Variants in CHD9 observed in about 807,000 individuals in gnomAD.
CHD9 encodes chromodomain helicase DNA binding protein 9.
Under a neutral mutation model 316.1 loss-of-function variants are expected in CHD9, and 77 were observed. The observed-to-expected ratio is 0.24, with a 90% CI of 0.20 to 0.29. The LOEUF (loss-of-function observed/expected upper bound fraction) is 0.29, where lower values mean the gene tolerates loss of function less well. CHD9 is among the 10% of genes least tolerant of loss of function. The pLI is 1.00. For synonymous variants in CHD9, 1,129 were observed against 1,158.3 expected (o/e 0.97, Z 0.51); for missense variants, 2,763 against 3,438.1 (o/e 0.80, Z 4.91).
chr16:53,282,670 T>C (rs1257569548), intron 24 of CHD9, among the ~76,000 whole-genome samples: 1 of 152,170 alleles, frequency 6.6e-6, no homozygotes, highest in African/African-American at 2.4e-5. Context: ...TTCCATTCAC[T>C]ATGCAATCTA....
chr16:53,320,130 C>G (rs1242867592), intron 37 of CHD9, among the ~76,000 whole-genome samples: 2 of 148,696 alleles, frequency 1.3e-5, no homozygotes. Context: ...GAACTATGAT[C>G]ACATCACTGC....
intron 3 of CHD9, among the ~76,000 whole-genome samples, 177 bp downstream of exon 3, chr16:53,209,990 C>A (rs2046200398): frequency 6.6e-6 from 1 of 151,962 alleles, no homozygotes; most frequent in African/African-American, 2.4e-5. Context: ...CAGGATCTCC[C>A]AAATTTTATG....
intron 22 of CHD9, 90 bp downstream of exon 22, chr16:53,268,216 A>G (rs2051883955): frequency 1.1e-6 from 1 of 921,608 alleles, no homozygotes; most frequent in Non-Finnish European, 1.6e-6. Flanking sequence ...TAAAAGCATT[A>G]CAAATAATAT....
rs777880932 is a variant in CHD9 at position 53,267,294 on chromosome 16, A to T, written c.4321A>T (p.Asn1441Tyr). 6.2e-7 allele frequency: 1 copy of T among 1,600,012 alleles called. No homozygotes were observed. The highest frequency in any genetic ancestry group is 8.5e-7 in the Non-Finnish European group (1 of 1,172,758). ...AGGTAATAGCAGTTCTGTTTTACAG[A>T]ACAGCTTGGTTATTGACACTCCAAG... ...EIDIEAISGR[N>Y]SLVIDTPRIR... Residue 1441 changes from asparagine (N) to tyrosine (Y), a missense_variant and splice_region_variant, in exon 21 of 39, where the codon AAC becomes TAC. This residue lies in a region of CHD9 where 199 missense variants were observed against 251.7 expected (regional missense o/e 0.79). Transcript: ENST00000447540.
At chr16:53,222,797 A>G (rs1597498199) in intron 4 of CHD9, 42 bp downstream of exon 4, 2 of 924,564 alleles carry the variant, frequency 2.2e-6, no homozygotes, top group East Asian at 5.3e-5. Flanking sequence ...CACTGTTAGA[A>G]TGATTTAGTT....
chr16:53,322,214 C>G (rs1295416159), intron 38 of CHD9, among the ~76,000 whole-genome samples: 1 of 151,346 alleles, frequency 6.6e-6, no homozygotes, highest in East Asian at 2.0e-4. Context: ...CCAGGCTGGT[C>G]TTGAACTCCT....
At chr16:53,208,252 C>A in intron 2 of CHD9, 1 of 1,216,376 alleles carries the variant, frequency 8.2e-7, no homozygotes, top group South Asian at 1.4e-5. Context: ...TCTTTCAATG[C>A]TTTTTTCTTG....
At chr16:53,121,403 G>A (rs560518343) in intron 1 of CHD9, 110 of 455,926 alleles carry the variant, frequency 2.4e-4, no homozygotes, top group Non-Finnish European at 1.6e-4. Flanking sequence ...CCAGCAAACC[G>A]TCTTTTTCCT....
intron 22 of CHD9, among the ~76,000 whole-genome samples, 192 bp from the exon 23 acceptor site, chr16:53,273,434 T>C (rs188336146): frequency 6.6e-6 from 1 of 152,252 alleles, no homozygotes; most frequent in Non-Finnish European, 1.5e-5. Flanking sequence ...GTTAGCTATT[T>C]GGGGGAAATA....
Position 53,304,140 on chromosome 16 carries a change from T to A in CHD9, c.6134T>A (p.Met2045Lys). 5 of 1,613,110 alleles carry A rather than the reference T, an allele frequency of 3.1e-6. No individual in the cohort carries two copies. Among genetic ancestry groups the A allele is most frequent in the Non-Finnish European group, 4.2e-6 (5 of 1,179,686 alleles). Residue 2045 changes from methionine to lysine, a missense_variant, in exon 31 of 39, where the codon ATG (methionine) becomes AAG (lysine). Met to Lys is a moderately conservative substitution (Grantham distance 95). This residue lies in a region of CHD9 where 663 missense variants were observed against 751.2 expected (regional missense o/e 0.88). Coordinates refer to ENST00000447540, the MANE Select transcript of CHD9 (RefSeq NM_001308319.2). ...GCTAAAGGTATTATTCTAGAGGAGATGAAAGTTAAAAGTGAAAACCTTAAA... is the reference window on the plus strand; with the variant it reads ...GCTAAAGGTATTATTCTAGAGGAGAAGAAAGTTAAAAGTGAAAACCTTAAA... Reference protein sequence around the residue: ...LDAKGIILEEMKVKSENLKEE... With the variant: ...LDAKGIILEEKKVKSENLKEE...
intron 24 of CHD9, among the ~76,000 whole-genome samples, chr16:53,275,442 G>A (rs1268106773): frequency 6.6e-6 from 1 of 152,134 alleles, no homozygotes; most frequent in Admixed American, 6.6e-5. Flanking sequence ...ACAAAACACA[G>A]TCTTGATCCC....
rs749472323 is a variant in CHD9 at position 53,268,099 on chromosome 16, C to A, written c.4690C>A (p.Gln1564Lys). Residue 1564 changes from glutamine to lysine, a missense_variant, in exon 22 of 39, where the codon CAG (glutamine) becomes AAG (lysine). Transcript: ENST00000447540. ...TCTCATTACTCCAACTGAAGATGGA[C>A]AGACACGAGAGCTACAGAATCATCT... ...WDLITPTEDGQTRELQNHLGL... is the reference protein window; with the variant it reads ...WDLITPTEDGKTRELQNHLGL... 1.6e-5 allele frequency: 25 copies of A among 1,610,594 alleles called. No homozygotes were observed. The highest frequency in any genetic ancestry group is 2.0e-5 in the Non-Finnish European group (24 of 1,178,050).
chr16:53,215,422 AAG>A (rs2046674781), intron 3 of CHD9, among the ~76,000 whole-genome samples: 1 of 152,164 alleles, frequency 6.6e-6, no homozygotes, highest in African/African-American at 2.4e-5. Context: ...TCGCATATTT[AAG>A]GATTACAGTT....
chr16:53,184,869 G>A (rs568820454), intron 2 of CHD9, among the ~76,000 whole-genome samples: 1 of 152,132 alleles, frequency 6.6e-6, no homozygotes, highest in Admixed American at 6.5e-5. Context: ...CTTTTATAAG[G>A]GGCTTCCCCC....
At chr16:53,088,341 G>C (rs1027498564) in intron 1 of CHD9, among the ~76,000 whole-genome samples, 2 of 146,248 alleles carry the variant, frequency 1.4e-5, no homozygotes, top group Admixed American at 7.0e-5. Context: ...GCAGTGGCGC[G>C]ATCTCAGCTC....
At chr16:53,219,321 A>G (rs1238810112) in intron 3 of CHD9, among the ~76,000 whole-genome samples, 1 of 152,162 alleles carries the variant, frequency 6.6e-6, no homozygotes, top group Non-Finnish European at 1.5e-5. Context: ...AAAAAATCTG[A>G]AATAGAGATA....
Position 53,304,256 on chromosome 16 carries a change from G to C in CHD9, c.6250G>C (p.Val2084Leu), listed in dbSNP as rs778691268. 1.9e-6 allele frequency: 3 copies of C among 1,611,278 alleles called. No individual in the cohort carries two copies. Among genetic ancestry groups the C allele is most frequent in the Non-Finnish European group, 2.5e-6 (3 of 1,179,120 alleles). The change falls in exon 31 of 39, where the codon GTT (valine) becomes CTT (leucine). Residue 2084 changes from valine to leucine, a missense_variant. Coordinates refer to ENST00000447540, the MANE Select transcript of CHD9 (RefSeq NM_001308319.2). ...TGAGCCTGTAAGTCCAAAGAATGGT[G>C]TTTTACCACAGGCTACTGGAGACCA... ...KSEPVSPKNG[V>L]LPQATGDQKS...
At chr16:53,175,905 A>G (rs991241145) in intron 2 of CHD9, among the ~76,000 whole-genome samples, 1 of 152,202 alleles carries the variant, frequency 6.6e-6, no homozygotes, top group Non-Finnish European at 1.5e-5. Context: ...TCAGAGTCAT[A>G]CAGATAGTGG....
intron 2 of CHD9, among the ~76,000 whole-genome samples, chr16:53,205,696 G>C (rs1163898020): frequency 1.3e-5 from 2 of 152,164 alleles, no homozygotes; most frequent in East Asian, 3.8e-4. Flanking sequence ...AGAATCTATT[G>C]AAAAACTTTA....
Sources: gnomAD v4.1 joint callset for allele counts (sites outside exome capture counted in the v4.1 genomes callset) on GRCh38, gnomAD v4.1.1 for gene constraint, gnomAD v4.1.1 regional missense constraint, MANE v1.5 for transcripts, NCBI Gene and HGNC (gene_info 2026-07-23, HGNC 2026-07-21) for gene names.